TCN1: variants seen among roughly 807,000 people sequenced by gnomAD.
The protein encoded by TCN1 is transcobalamin 1.
A neutral mutation model predicts 46.3 loss-of-function variants in TCN1; 47 were observed. That is an observed-to-expected ratio of 1.01 (90% CI 0.80 to 1.29). The LOEUF (loss-of-function observed/expected upper bound fraction) is 1.29. TCN1 is among the 50% of genes most tolerant of loss of function. The pLI is 0.00. For synonymous variants in TCN1, 183 were observed against 192.5 expected, an observed-to-expected ratio of 0.95 and a Z score of 0.41; for missense variants, 532 against 511.0, an observed-to-expected ratio of 1.04 and a Z score of -0.40.
intron 1 of TCN1, 119 bp from the exon 2 acceptor site, chr11:59,864,205 G>T (rs921022762): frequency 6.2e-6 from 7 of 1,133,454 alleles, no homozygotes; most frequent in African/African-American, 4.6e-5. Flanking sequence ...CAATCCAGTG[G>T]CTGCAGACTG....
chr11:59,856,840 G>C (rs1852948992), intron 5 of TCN1, among the ~76,000 whole-genome samples: 1 of 152,130 alleles, frequency 6.6e-6, no homozygotes, highest in African/African-American at 2.4e-5. Context: ...TGACAATGGG[G>C]AGTCTAATTG....
At chr11:59,857,410 T>A (rs1173761520) in intron 5 of TCN1, among the ~76,000 whole-genome samples, 1 of 152,158 alleles carries the variant, frequency 6.6e-6, no homozygotes, top group East Asian at 1.9e-4. Context: ...AGTAAGGCAA[T>A]CAACAACATA....
chr11:59,860,950 G>A (rs992273132), intron 4 of TCN1, among the ~76,000 whole-genome samples: 1 of 152,168 alleles, frequency 6.6e-6, no homozygotes, highest in Non-Finnish European at 1.5e-5. Context: ...TGGATCCATA[G>A]AGGCTAAGCA....
chr11:59,855,756 T>G, intron 6 of TCN1, 113 bp downstream of exon 6: 2 of 1,158,130 alleles, frequency 1.7e-6, no homozygotes, highest in Non-Finnish European at 2.6e-6. Context: ...CTGGCAACTG[T>G]TATGTTTTGG....
At chr11:59,861,799 TA>T (rs1853018201) in intron 3 of TCN1, 117 bp from the exon 4 acceptor site, 1 of 1,223,220 alleles carries the variant, frequency 8.2e-7, no homozygotes, top group African/African-American at 1.5e-5. Flanking sequence ...AGGTGGCTAA[TA>T]GAAGGGGGAG....
chr11:59,864,059 A>C lies in TCN1; in HGVS notation c.107T>G (p.Leu36Arg). 1.2e-6 allele frequency: 2 copies of C among 1,613,908 alleles called. No homozygotes were observed. Among genetic ancestry groups the C allele is most frequent in the Non-Finnish European group, 8.5e-7 (1 of 1,179,784 alleles). ...GATCATTGTATTCAACAGAGGTTTT[A>C]GGCGGATGTAGTTTTCTTCACTTAC... ...CEVSEENYIRLKPLLNTMIQS... is the reference protein window; with the variant it reads ...CEVSEENYIRRKPLLNTMIQS... Residue 36 changes from leucine (L) to arginine (R), a missense_variant, in exon 2 of 9, where the codon CTA (leucine) becomes CGA (arginine). Leu to Arg is a moderately radical substitution (Grantham distance 102). Transcript: ENST00000257264.
At chr11:59,859,024 T>C in intron 5 of TCN1, 53 bp downstream of exon 5, 2 of 1,588,876 alleles carry the variant, frequency 1.3e-6, no homozygotes, top group East Asian at 4.5e-5. Flanking sequence ...AAAATACTGC[T>C]TTCTTCCAGA....
chr11:59,863,948 T>A lies in TCN1; in HGVS notation c.218A>T (p.Gln73Leu). 1 of 1,613,982 alleles carries A rather than the reference T, an allele frequency of 6.2e-7. No homozygotes were observed. The highest frequency in any genetic ancestry group is 8.5e-7 in the Non-Finnish European group (1 of 1,179,856). Residue 73 changes from glutamine (Q) to leucine (L), a missense_variant, in exon 2 of 9, where the codon CAA becomes CTA. Coordinates refer to ENST00000257264, the MANE Select transcript of TCN1 (RefSeq NM_001062.4). Reference protein sequence around the residue: ...LVGIQIQTLMQKMIQQIKYNV... With the variant: ...LVGIQIQTLMLKMIQQIKYNV... ...GTATTTGATTTGTTGGATCATCTTT[T>A]GCATCAGGGTTTGGATCTGGATTCC...
At position 59,855,999 on chromosome 11, in the gene TCN1, CAG is replaced by C. The variant is rs1852928416; in HGVS notation, c.805_806del (p.Leu269GlufsTer34). On this transcript the variant is annotated frameshift_variant, in exon 6 of 9. Coordinates refer to ENST00000257264, the MANE Select transcript of TCN1 (RefSeq NM_001062.4). LOFTEE classifies it high-confidence loss of function. ...NENDWNCQQT[L>X]NTVLTEISQG... ...GAGAAATTTCCGTGAGCACTGTATT[CAG>C]AGTTTGTTGGCAATTCCAGTCATTT... 2 of 1,551,976 alleles carry C rather than the reference CAG, an allele frequency of 1.3e-6. No individual in the cohort carries two copies. Among genetic ancestry groups the C allele is most frequent in the South Asian group, 1.1e-5 (1 of 90,258 alleles).
In TCN1 at chr11:59,853,015, C is replaced by A; in HGVS notation, c.1262G>T (p.Arg421Leu). 1 of 1,614,128 alleles carries A rather than the reference C, an allele frequency of 6.2e-7. No individual in the cohort carries two copies. Among genetic ancestry groups the A allele is most frequent in the Non-Finnish European group, 8.5e-7 (1 of 1,180,018 alleles). ...GCGAACCTCCAAGTTTTCTCCATTG[C>A]GGACAACGTAACTACCAGCTCCTGA... ...LSQGAGSYVV[R>L]NGENLEVRWS... is the part of the protein sequence containing the mutation. The change falls in exon 9 of 9, where the codon CGC becomes CTC. Residue 421 changes from arginine to leucine, a missense_variant. Coordinates refer to ENST00000257264, the MANE Select transcript of TCN1 (RefSeq NM_001062.4).
chr11:59,856,031 T>C lies in TCN1; in HGVS notation c.775A>G (p.Asn259Asp). Residue 259 changes from asparagine to aspartate, a missense_variant, in exon 6 of 9, where the codon AAT becomes GAT. By Grantham distance (23) the Asn-to-Asp change is conservative. Coordinates refer to ENST00000257264, the MANE Select transcript of TCN1 (RefSeq NM_001062.4). The part of the protein sequence containing the change: ...QALFVSSDYY[N>D]ENDWNCQQTL... ...TGTTGGCAATTCCAGTCATTTTCAT[T>C]ATAATAGTCTGATGATACAAAGAGG... 1 of 1,504,726 alleles carries C rather than the reference T, an allele frequency of 6.6e-7. No homozygotes were observed. Among genetic ancestry groups the C allele is most frequent in the South Asian group, 1.1e-5 (1 of 89,768 alleles). The allele number at this position is 1,504,726 out of a possible 1,614,324, so 93.2% of individuals were successfully genotyped here.
At chr11:59,854,563 T>C (rs1852905586) in intron 7 of TCN1, 89 bp downstream of exon 7, 1 of 1,397,864 alleles carries the variant, frequency 7.2e-7, no homozygotes, top group East Asian at 2.3e-5. Flanking sequence ...GCATTTTAAA[T>C]ATACTTTGTA....
chr11:59,855,520 GC>G (rs1381373280), intron 6 of TCN1, among the ~76,000 whole-genome samples: 1 of 152,174 alleles, frequency 6.6e-6, no homozygotes, highest in Non-Finnish European at 1.5e-5. Context: ...CACTCACTGT[GC>G]AAAGTCAGAG....
chr11:59,861,668 T>A lies in TCN1; in HGVS notation c.415A>T (p.Thr139Ser). 2 of 1,614,034 alleles carry A rather than the reference T, an allele frequency of 1.2e-6. No homozygotes were observed. The change falls in exon 4 of 9, where the codon ACT (threonine) becomes TCT (serine). Residue 139 changes from threonine (T) to serine (S), a missense_variant. Coordinates refer to ENST00000257264, the MANE Select transcript of TCN1 (RefSeq NM_001062.4). ...EIENMEAHNG[T>S]PLTNYYQLSL... The stretch of plus-strand genomic sequence containing the variant: ...AGCTGGTAGTAGTTAGTCAGGGGAG[T>A]GCCATTGTGTGCTTCTAGAAAAGAG...
rs751107761 is a variant in TCN1, at chr11:59,853,214, G to C, written c.1229C>G (p.Pro410Arg). 2.4e-4 allele frequency: 391 copies of C among 1,614,048 alleles called. 3 individuals are homozygous for C. In the South Asian group the frequency reaches 3.7e-3, roughly 15 times the overall value. ...TGTCTCTCCCTTACCTTGGCTCAGT[G>C]GTTCGCCTCCACTCAGAAGTTCCCA... is the stretch of plus-strand genomic sequence containing the variant. Reference protein sequence around the residue: ...TYWELLSGGEPLSQGAGSYVV... With the variant: ...TYWELLSGGERLSQGAGSYVV... Residue 410 changes from proline to arginine, a missense_variant, in exon 8 of 9, where the codon CCA becomes CGA. By Grantham distance (103) the Pro-to-Arg change is moderately radical (BLOSUM62 -2). Transcript: ENST00000257264.
intron 5 of TCN1, among the ~76,000 whole-genome samples, chr11:59,857,633 T>C (rs1852958295): frequency 6.6e-6 from 1 of 152,204 alleles, no homozygotes; most frequent in Non-Finnish European, 1.5e-5. Context: ...AAAATATCTA[T>C]TCATACTGAT....
rs781116925 is a variant in TCN1 at position 59,866,416 on chromosome 11, G to A, written c.55C>T (p.Pro19Ser). ...CCACAAATCTCGCATAGTTGGCTTG[G>A]AATAAAAGAAAACAGTAAGAGCCCC... ...LVGLLLFSFI[P>S]SQLCEICEVS... is the part of the protein sequence containing the mutation. The change falls in exon 1 of 9, where the codon CCA becomes TCA. Residue 19 changes from proline to serine, a missense_variant. Transcript: ENST00000257264. 6.2e-7 allele frequency: 1 copy of A among 1,613,356 alleles called. No individual in the cohort carries two copies. Among genetic ancestry groups the A allele is most frequent in the Non-Finnish European group, 8.5e-7 (1 of 1,179,522 alleles).
chr11:59,859,005 A>T (rs1590866123), intron 5 of TCN1, 72 bp downstream of exon 5: 6 of 316,770 alleles, frequency 1.9e-5, no homozygotes, highest in South Asian at 6.7e-5. Flanking sequence ...GCTCCATCTT[A>T]AAAAAAAAAA....
intron 8 of TCN1, 48 bp from the exon 9 acceptor site, chr11:59,853,084 A>T: frequency 6.2e-7 from 1 of 1,606,162 alleles, no homozygotes; most frequent in Non-Finnish European, 8.5e-7. Flanking sequence ...TTGGCCACTA[A>T]ATCACCAAAT....
Sources: allele counts gnomAD v4.1 joint callset (sites outside exome capture counted in the v4.1 genomes callset), GRCh38; gene constraint gnomAD v4.1.1; transcripts MANE v1.5; gene names NCBI Gene and HGNC (gene_info 2026-07-23, HGNC 2026-07-21).